The following PRKCH variants were observed in gnomAD, a reference collection of about 807,000 sequenced individuals.
PRKCH encodes protein kinase C eta type.
PRKCH carries 28 observed loss-of-function variants against 82.5 expected under a neutral mutation model. The observed-to-expected ratio is 0.34, with a 90% CI of 0.25 to 0.47. The LOEUF (loss-of-function observed/expected upper bound fraction) is 0.47. Among genes scored for constraint, PRKCH ranks in the 20% least tolerant of loss-of-function variants. The pLI, the probability that PRKCH is intolerant of heterozygous loss-of-function variation, is 1.00. For synonymous variants in PRKCH, 322 were observed against 327.4 expected, an observed-to-expected ratio of 0.98 and a Z score of 0.18; for missense variants, 705 against 881.8, an observed-to-expected ratio of 0.80 and a Z score of 2.54.
chr14:61,238,527 T>C (rs1421293700), intron 1 of PRKCH, among the ~76,000 whole-genome samples: 2 of 152,220 alleles, frequency 1.3e-5, no homozygotes, highest in Non-Finnish European at 2.9e-5. Flanking sequence ...TGTTGGTCCA[T>C]CCAACCTTAA....
chr14:61,375,242 C>T (rs116801949), intron 1 of PRKCH, among the ~76,000 whole-genome samples: 3,597 of 152,172 alleles, frequency 0.024, 173 homozygotes, highest in African/African-American at 0.082. Flanking sequence ...GAGACCACCT[C>T]AGCTTGGACT....
At chr14:61,469,089 A>G (rs1020568495) in intron 9 of PRKCH, among the ~76,000 whole-genome samples, 3 of 152,154 alleles carry the variant, frequency 2.0e-5, no homozygotes, top group African/African-American at 7.2e-5. Flanking sequence ...GGCAAAAGAA[A>G]CAGTTCTTTT....
chr14:61,453,010 C>A, intron 6 of PRKCH: 1 of 584,034 alleles, frequency 1.7e-6, no homozygotes, highest in Non-Finnish European at 3.0e-6. Context: ...ATATATTATT[C>A]TTTAGTATGC....
chr14:61,216,783 C>T (rs1371235680), intron 1 of PRKCH, among the ~76,000 whole-genome samples: 1 of 152,106 alleles, frequency 6.6e-6, no homozygotes, highest in Non-Finnish European at 1.5e-5. Context: ...CTCTGTGTAG[C>T]CTGGTGTACA....
chr14:61,319,341 G>A (rs1014825075), upstream of PRKCH, among the ~76,000 whole-genome samples: 2 of 152,100 alleles, frequency 1.3e-5, no homozygotes, highest in East Asian at 1.9e-4. Flanking sequence ...CCTTGGCACC[G>A]TGGGCTTTTC....
intron 1 of PRKCH, among the ~76,000 whole-genome samples, chr14:61,383,185 A>G (rs986418769): frequency 1.3e-5 from 2 of 152,128 alleles, no homozygotes; most frequent in African/African-American, 4.8e-5. Context: ...TATTCCTTGG[A>G]GCCATCTTGG....
chr14:61,319,571 T>TA (rs1010135467), upstream of PRKCH, among the ~76,000 whole-genome samples: 10 of 151,978 alleles, frequency 6.6e-5, no homozygotes, highest in African/African-American at 1.4e-4. Context: ...TTTTAAAATT[T>TA]AAAAAAAAAT....
chr14:61,523,458 TA>T (rs1373737591), intron 10 of PRKCH, among the ~76,000 whole-genome samples: 1 of 152,150 alleles, frequency 6.6e-6, no homozygotes, highest in Non-Finnish European at 1.5e-5. Context: ...CCTGGTGTAG[TA>T]AGTCACAAGC....
chr14:61,449,686 ATC>A (rs1884394244), intron 5 of PRKCH, among the ~76,000 whole-genome samples: 1 of 152,122 alleles, frequency 6.6e-6, no homozygotes, highest in South Asian at 2.1e-4. Flanking sequence ...AAGGCCTACA[ATC>A]TCTCTTTTCC....
intron 1 of PRKCH, among the ~76,000 whole-genome samples, chr14:61,376,821 C>T (rs976163416): frequency 6.6e-6 from 1 of 152,222 alleles, no homozygotes; most frequent in African/African-American, 2.4e-5. Flanking sequence ...GCATTTCTAG[C>T]TTTACCTTCT....
At chr14:61,276,496 C>T (rs2045203562) in intron 1 of PRKCH, among the ~76,000 whole-genome samples, 1 of 152,000 alleles carries the variant, frequency 6.6e-6, no homozygotes, top group Non-Finnish European at 1.5e-5. Context: ...GCTGTCACTA[C>T]AGGCGCCCAC....
At chr14:61,281,340 C>T (rs2045264494) in intron 1 of PRKCH, 1 of 363,930 alleles carries the variant, frequency 2.7e-6, no homozygotes. Context: ...ACGAGCAGTG[C>T]CCACACCCTC....
chr14:61,215,912 T>C (rs1422948792), intron 1 of PRKCH, among the ~76,000 whole-genome samples: 1 of 152,178 alleles, frequency 6.6e-6, no homozygotes, highest in Non-Finnish European at 1.5e-5. Flanking sequence ...GTCGCAGAAT[T>C]GAGACTGCTG....
At chr14:61,281,371 G>C (rs760452263) in intron 1 of PRKCH, 2 of 346,928 alleles carry the variant, frequency 5.8e-6, no homozygotes, top group Non-Finnish European at 1.1e-5. Context: ...CTCCGCCCAG[G>C]TGCGCTGCAC....
chr14:61,339,515 G>A (rs1394858911), intron 1 of PRKCH, among the ~76,000 whole-genome samples: 1 of 150,372 alleles, frequency 6.7e-6, no homozygotes, highest in African/African-American at 2.4e-5. Context: ...AGTAGAGACG[G>A]GGTTTCACCT....
At chr14:61,521,238 A>C (rs1164417889) in intron 10 of PRKCH, among the ~76,000 whole-genome samples, 3 of 152,186 alleles carry the variant, frequency 2.0e-5, no homozygotes, top group African/African-American at 7.2e-5. Context: ...TTTTATAATC[A>C]AAAAAACATT....
intron 9 of PRKCH, among the ~76,000 whole-genome samples, chr14:61,460,568 A>G (rs77812793): frequency 0.028 from 4,332 of 152,294 alleles, 227 homozygotes; most frequent in East Asian, 0.26. Context: ...ACCCTCTGAA[A>G]TAAGTTCTGT....
intron 10 of PRKCH, among the ~76,000 whole-genome samples, chr14:61,517,495 G>A (rs2042845666): frequency 6.6e-6 from 1 of 152,132 alleles, no homozygotes; most frequent in Non-Finnish European, 1.5e-5. Context: ...ATTACTCTTT[G>A]CTCTGTGTAT....
At chr14:61,434,595 A>T (rs1883587260) in intron 2 of PRKCH, among the ~76,000 whole-genome samples, 1 of 152,244 alleles carries the variant, frequency 6.6e-6, no homozygotes, top group African/African-American at 2.4e-5. Flanking sequence ...AAACTGTAGG[A>T]TTCTTGCAAT....
Sources: allele counts gnomAD v4.1 joint callset (sites outside exome capture counted in the v4.1 genomes callset), GRCh38; gene constraint gnomAD v4.1.1; transcripts MANE v1.5; gene names NCBI Gene and HGNC (gene_info 2026-07-23, HGNC 2026-07-21).